The following CNDP2 variants were observed in gnomAD, a reference collection of about 807,000 sequenced individuals.
CNDP2 encodes carnosine dipeptidase 2.
A neutral mutation model predicts 55.0 loss-of-function variants in CNDP2; 38 were observed. That is an observed-to-expected ratio of 0.69 (90% CI 0.53 to 0.90). CNDP2 has a LOEUF of 0.90. Among genes scored for constraint, CNDP2 ranks in the 40% least tolerant of loss-of-function variants. The pLI is 0.00. For synonymous variants in CNDP2, 241 were observed against 260.2 expected (o/e 0.93, Z 0.71); for missense variants, 607 against 621.7 (o/e 0.98, Z 0.25).
In CNDP2 at chr18:74,513,617, C is replaced by G. The variant is rs369009602; in HGVS notation, c.801C>G (p.Ala267=). Residue 267 remains alanine (A), a synonymous_variant, in exon 8 of 12, where the codon GCC becomes GCG. Transcript: ENST00000324262. ...ILIPGINEAV[A]AVTEEEHKLY... is the part of the protein sequence containing the mutation. ...TCCCCGGCATTAACGAGGCCGTGGC[C>G]GCCGTCACGGAAGAGGAGCACAAGC... is the stretch of plus-strand genomic sequence containing the variant. The G allele has an allele frequency of 6.2e-7, 1 of 1,613,960 alleles. No individual in the cohort carries two copies. Among genetic ancestry groups the G allele is most frequent in the Non-Finnish European group, 8.5e-7 (1 of 1,179,998 alleles).
chr18:74,516,805 G>T, intron 9 of CNDP2: 1 of 171,286 alleles, frequency 5.8e-6, no homozygotes, highest in South Asian at 1.5e-4. Flanking sequence ...CTTCCCACTG[G>T]GAATGGGAGC....
Position 74,508,878 on chromosome 18 carries a change from C to T in CNDP2, c.406C>T (p.Pro136Ser), listed in dbSNP as rs1220195646. Reference sequence around the variant, plus strand: ...GAGAGGTTCGACTGATGATAAGGGCCCGGTGGCCGGCTGGATAAACGCCCT... The same window carrying T: ...GAGAGGTTCGACTGATGATAAGGGCTCGGTGGCCGGCTGGATAAACGCCCT... ...YGRGSTDDKGPVAGWINALEA... is the reference protein window; with the variant it reads ...YGRGSTDDKGSVAGWINALEA... The change falls in exon 5 of 12, where the codon CCG becomes TCG. Residue 136 changes from proline (P) to serine (S), a missense_variant. Pro to Ser is a moderately conservative substitution (Grantham distance 74). Transcript: ENST00000324262. The T allele has an allele frequency of 6.2e-7, 1 of 1,613,944 alleles. No individual in the cohort carries two copies. The highest frequency in any genetic ancestry group is 1.7e-5 in the Admixed American group (1 of 59,986).
intron 5 of CNDP2, chr18:74,509,712 G>C (rs1979234109): frequency 6.8e-6 from 1 of 146,550 alleles, no homozygotes; most frequent in Non-Finnish European, 1.5e-5. Context: ...GACAAGTAGA[G>C]AGAAAAATAC....
chr18:74,516,193 C>T (rs1207175695), intron 8 of CNDP2, 35 bp from the exon 9 acceptor site: 4 of 1,578,226 alleles, frequency 2.5e-6, no homozygotes, highest in Non-Finnish European at 2.6e-6. Flanking sequence ...GCACTGAATG[C>T]CTGAGGTGTC....
intron 7 of CNDP2, among the ~76,000 whole-genome samples, chr18:74,513,305 T>C (rs577820825): frequency 6.6e-6 from 1 of 152,310 alleles, no homozygotes; most frequent in South Asian, 2.1e-4. Flanking sequence ...CCTCATTGGC[T>C]GTTTGGCTGA....
chr18:74,502,068 T>G (rs775701805), intron 3 of CNDP2, among the ~76,000 whole-genome samples: 2 of 152,180 alleles, frequency 1.3e-5, no homozygotes, highest in Non-Finnish European at 2.9e-5. Context: ...ATATTTTTTG[T>G]AGAGACGGGG....
intron 8 of CNDP2, among the ~76,000 whole-genome samples, chr18:74,515,710 T>A (rs943416196): frequency 6.6e-6 from 1 of 152,146 alleles, no homozygotes; most frequent in African/African-American, 2.4e-5. Context: ...TCTCTCCTGG[T>A]CTGAGGAGAT....
chr18:74,510,616 A>C (rs1191815202), intron 5 of CNDP2, among the ~76,000 whole-genome samples, 197 bp from the exon 6 acceptor site: 3 of 152,192 alleles, frequency 2.0e-5, no homozygotes, highest in Non-Finnish European at 2.9e-5. Context: ...CCACCTTGCG[A>C]GACTGGACCA....
At chr18:74,506,646 C>T (rs369672941) in intron 4 of CNDP2, among the ~76,000 whole-genome samples, 213 of 152,290 alleles carry the variant, frequency 1.4e-3, no homozygotes, top group Admixed American at 2.4e-3. Context: ...TCCCCCTCCC[C>T]GGCCCTTACC....
At chr18:74,514,443 T>C (rs12967662) in intron 8 of CNDP2, among the ~76,000 whole-genome samples, 8 of 151,838 alleles carry the variant, frequency 5.3e-5, no homozygotes, top group South Asian at 2.1e-4. Flanking sequence ...TTATGTGGTA[T>C]GGATGTAAGT....
rs1027690072 is a variant in CNDP2, at chr18:74,519,740, C to A, written c.1359-259C>A. Among the ~76,000 whole-genome samples, 2 of 152,178 alleles carry A rather than the reference C, an allele frequency of 1.3e-5. 1 individual carries two copies. Among genetic ancestry groups the A allele is most frequent in the African/African-American group, 4.8e-5 (2 of 41,446 alleles). Reference sequence around the variant, plus strand: ...AAACAAGCGGATAATGGGAGGAGCCCACGATCCGAGCTTGACGTTTACTAC... The same window carrying A: ...AAACAAGCGGATAATGGGAGGAGCCAACGATCCGAGCTTGACGTTTACTAC... On this transcript the variant is annotated intron_variant, in intron 11 of 11. Transcript: ENST00000324262.
At chr18:74,504,168 T>TA (rs1229529603) in intron 3 of CNDP2, among the ~76,000 whole-genome samples, 2 of 116,490 alleles carry the variant, frequency 1.7e-5, no homozygotes, top group East Asian at 5.6e-4. Flanking sequence ...CGTCAGGCCA[T>TA]ACACTGCACA....
At chr18:74,498,885 A>G (rs1033101768) in intron 1 of CNDP2, among the ~76,000 whole-genome samples, 6 of 152,236 alleles carry the variant, frequency 3.9e-5, no homozygotes, top group Admixed American at 6.5e-5. Context: ...CCACCCACAT[A>G]GAAATCACAT....
chr18:74,509,674 T>A (rs879427312), intron 5 of CNDP2: 5 of 151,608 alleles, frequency 3.3e-5, no homozygotes, highest in Non-Finnish European at 5.9e-5. Context: ...GAAATATCTG[T>A]TCGTTGTTCA....
chr18:74,520,013 A>G lies in CNDP2; in HGVS notation c.1373A>G (p.Glu458Gly), dbSNP rs1167619202. 16 of 1,613,942 alleles carry G rather than the reference A, an allele frequency of 9.9e-6. No individual in the cohort carries two copies. The highest frequency in any genetic ancestry group is 1.4e-5 in the Non-Finnish European group (16 of 1,179,974). Residue 458 changes from glutamate to glycine, a missense_variant, in exon 12 of 12, where the codon GAG (glutamate) becomes GGG (glycine). Glu to Gly is a moderately conservative substitution (Grantham distance 98). Transcript: ENST00000324262. ...CTCTCTACCAGGTATAACTACATAGAGGGAACCAAGATGCTGGCCGCGTAC... is the reference window on the plus strand; with the variant it reads ...CTCTCTACCAGGTATAACTACATAGGGGGAACCAAGATGCTGGCCGCGTAC... ...NEKLNRYNYI[E>G]GTKMLAAYLY...
At position 74,505,922 on chromosome 18, in the gene CNDP2, C is replaced by A. The variant is rs1473479262; in HGVS notation, c.278C>A (p.Thr93Asn). The change falls in exon 4 of 12, where the codon ACC becomes AAC. Residue 93 changes from threonine (T) to asparagine (N), a missense_variant. By Grantham distance (65) the Thr-to-Asn change is moderately conservative. Transcript: ENST00000324262. ...GRLGSDPQKK[T>N]VCIYGHLDVQ... is the part of the protein sequence containing the mutation. ...CTGGGCTCCGACCCACAGAAGAAGA[C>A]CGTGTGCATTTACGGGCACCTGGAT... The A allele has an allele frequency of 1.9e-6, 3 of 1,612,384 alleles. No individual in the cohort carries two copies. The Admixed American group carries it at 5.0e-5, about 27-fold the overall frequency.
At position 74,512,532 on chromosome 18, in the gene CNDP2, G is replaced by T; in HGVS notation, c.742G>T (p.Gly248Cys). 6.2e-7 allele frequency: 1 copy of T among 1,613,610 alleles called. No homozygotes were observed. The highest frequency in any genetic ancestry group is 8.5e-7 in the Non-Finnish European group (1 of 1,179,672). Reference protein sequence around the residue: ...EAMTDLILLMGSLVDKRGNIL... With the variant: ...EAMTDLILLMCSLVDKRGNIL... ...CATGACTGATCTCATTTTGCTGATG[G>T]GTAAGTGCGGGATGGCATTCAGTCC... is the stretch of plus-strand genomic sequence containing the variant. Residue 248 changes from glycine to cysteine, a missense_variant and splice_region_variant, in exon 7 of 12, where the codon GGC (glycine) becomes TGC (cysteine). Transcript: ENST00000324262.
intron 2 of CNDP2, among the ~76,000 whole-genome samples, chr18:74,500,871 CAG>C (rs765360880): frequency 7.9e-5 from 12 of 152,198 alleles, no homozygotes; most frequent in African/African-American, 1.2e-4. Context: ...CAGTACGTGA[CAG>C]GGGCTGTATG....
At position 74,520,148 on chromosome 18, in the gene CNDP2, G is replaced by C. The variant is rs760291738; in HGVS notation, c.*80G>C. The C allele has an allele frequency of 3.1e-5, 42 of 1,347,246 alleles. No homozygotes were observed. Among genetic ancestry groups the C allele is most frequent in the Non-Finnish European group, 3.9e-5 (37 of 944,452 alleles). 83.5% of individuals were successfully genotyped at this position (1,347,246 alleles called of 1,614,324 possible). ...CCTTTTCCAACTTGCCCAGGGAAGT[G>C]GAGGTTCCCTCTTTCCTTTCCCTCT... On this transcript the variant is annotated 3_prime_UTR_variant, in exon 12 of 12. Transcript: ENST00000324262.
Sources: allele counts gnomAD v4.1 joint callset (sites outside exome capture counted in the v4.1 genomes callset), GRCh38; gene constraint gnomAD v4.1.1; transcripts MANE v1.5; gene names NCBI Gene and HGNC (gene_info 2026-07-23, HGNC 2026-07-21).